The following RAG1 variants were observed in gnomAD, a reference collection of about 807,000 sequenced individuals.
RAG1 encodes V(D)J recombination-activating protein 1.
RAG1 carries 35 observed loss-of-function variants against 62.7 expected under a neutral mutation model. That is an observed-to-expected ratio of 0.56 (90% CI 0.43 to 0.74). RAG1 has a LOEUF of 0.74. Ranked by LOEUF, RAG1 falls within the 30% of genes least tolerant of loss-of-function variation. The pLI is 0.00. For missense variants in RAG1, 1,169 were observed against 1,278.6 expected, an observed-to-expected ratio of 0.91 and a Z score of 1.31; for synonymous variants, 461 against 470.3, an observed-to-expected ratio of 0.98 and a Z score of 0.26.
chr11:36,569,321 G>A (rs974107009), intron 1 of RAG1, among the ~76,000 whole-genome samples: 1 of 152,226 alleles, frequency 6.6e-6, no homozygotes, highest in African/African-American at 2.4e-5. Flanking sequence ...GGTGGGGACA[G>A]GGCTGAGCCA....
At chr11:36,532,391 G>T (rs920389673) in intron 2 of RAG1, among the ~76,000 whole-genome samples, 1 of 151,816 alleles carries the variant, frequency 6.6e-6, no homozygotes, top group South Asian at 2.1e-4. Context: ...TACAAAAATG[G>T]TACCACATTA....
intron 3 of RAG1, among the ~76,000 whole-genome samples, chr11:36,549,814 A>T (rs1590685514): frequency 6.6e-6 from 1 of 152,244 alleles, no homozygotes; most frequent in African/African-American, 2.4e-5. Context: ...ACACATGCAC[A>T]TGTATGTTTA....
At position 36,575,567 on chromosome 11, in the gene RAG1, G is replaced by A; in HGVS notation, c.2263G>A (p.Glu755Lys). 6.2e-7 allele frequency: 1 copy of A among 1,614,212 alleles called. No individual in the cohort carries two copies. Among genetic ancestry groups the A allele is most frequent in the Middle Eastern group, 1.6e-4 (1 of 6,062 alleles). Residue 755 changes from glutamate (E) to lysine (K), a missense_variant, in exon 2 of 2, where the codon GAG becomes AAG. By Grantham distance (56) the Glu-to-Lys change is moderately conservative. Around this residue, in one of 2 missense-constraint regions of RAG1, gnomAD observed 800 missense variants for 943.3 expected, o/e 0.85. Coordinates refer to ENST00000299440, the MANE Select transcript of RAG1 (RefSeq NM_000448.3). The surrounding 1 kb of genome is among the most constrained non-coding windows in gnomAD (Gnocchi z 4.1). ...CCACTCTATAACCAGAAGCCATGCT[G>A]AGAACCTGGAACGTTATGAGGTCTG... ...VFHSITRSHA[E>K]NLERYEVWRS...
upstream of RAG1, among the ~76,000 whole-genome samples, chr11:36,565,459 G>A (rs1260494887): frequency 6.6e-6 from 1 of 152,162 alleles, no homozygotes; most frequent in Non-Finnish European, 1.5e-5. Flanking sequence ...AGGGCCTGTC[G>A]GCACTTCAAG....
Position 36,575,834 on chromosome 11 carries a change from A to G in RAG1, c.2530A>G (p.Met844Val), listed in dbSNP as rs773002320. 3 of 1,614,258 alleles carry G rather than the reference A, an allele frequency of 1.9e-6. No homozygotes were observed. Among genetic ancestry groups the G allele is most frequent in the Non-Finnish European group, 2.5e-6 (3 of 1,180,044 alleles). Residue 844 changes from methionine to valine, a missense_variant, in exon 2 of 2, where the codon ATG becomes GTG. Physicochemically the swap from Met to Val is conservative, Grantham distance 21. This residue lies in a region of RAG1 where 800 missense variants were observed against 943.3 expected (regional missense o/e 0.85). Coordinates refer to ENST00000299440, the MANE Select transcript of RAG1 (RefSeq NM_000448.3). This position sits in a 1 kb window ranked among gnomAD's most constrained non-coding sequence, Gnocchi z 4.1. ...ATLDKHLRKK[M>V]NLKPIMRMNG... ...ACTGGACAAGCATCTCCGGAAGAAG[A>G]TGAACCTCAAACCAATCATGAGGAT...
intron 1 of RAG1, among the ~76,000 whole-genome samples, chr11:36,518,022 T>C (rs2133692491): frequency 7.8e-6 from 1 of 128,736 alleles, no homozygotes; most frequent in Non-Finnish European, 1.6e-5. Context: ...CGGTGTGTGA[T>C]GTTCCCCTTC....
At chr11:36,532,404 A>G (rs983157642) in intron 2 of RAG1, among the ~76,000 whole-genome samples, 2 of 152,152 alleles carry the variant, frequency 1.3e-5, no homozygotes, top group Admixed American at 1.3e-4. Flanking sequence ...CCACATTAGT[A>G]TATGATATAC....
In RAG1 at chr11:36,574,871, C is replaced by A. The variant is rs1266284064; in HGVS notation, c.1567C>A (p.Gln523Lys). 2 of 1,614,236 alleles carry A rather than the reference C, an allele frequency of 1.2e-6. No individual in the cohort carries two copies. The highest frequency in any genetic ancestry group is 1.3e-5 in the African/African-American group (1 of 75,058). ...GCCAGGCTACCACCACTTTGAGTGG[C>A]AGCCACCTCTGAAGAATGTGTCTTC... ...LLPGYHHFEW[Q>K]PPLKNVSSST... Residue 523 changes from glutamine to lysine, a missense_variant, in exon 2 of 2, where the codon CAG becomes AAG. Transcript: ENST00000299440.
rs771762030 is a variant in RAG1 at position 36,576,478 on chromosome 11, C to T, written c.*42C>T. The T allele has an allele frequency of 1.9e-6, 3 of 1,610,514 alleles. No homozygotes were observed. The East Asian group carries it at 6.7e-5, about 36-fold the overall frequency. On this transcript the variant is annotated 3_prime_UTR_variant, in exon 2 of 2. Coordinates refer to ENST00000299440, the MANE Select transcript of RAG1 (RefSeq NM_000448.3). The stretch of plus-strand genomic sequence containing the variant: ...TGAGTTGGTTTTTGCAATTGAGTTT[C>T]CCTCTGGGTTGCATTGAGGGCTTCT...
intron 3 of RAG1, among the ~76,000 whole-genome samples, chr11:36,561,372 C>A (rs564959269): frequency 6.6e-6 from 1 of 152,150 alleles, no homozygotes; most frequent in African/African-American, 2.4e-5. Context: ...TACTCTTCAG[C>A]CTTTGATGCA....
At chr11:36,538,845 G>A (rs182974314), downstream of RAG1, among the ~76,000 whole-genome samples, 1 of 152,200 alleles carries the variant, frequency 6.6e-6, no homozygotes, top group East Asian at 1.9e-4. Flanking sequence ...AGTTCATCAG[G>A]GTCACCTCCC....
chr11:36,547,835 C>A (rs972170134), intron 3 of RAG1, among the ~76,000 whole-genome samples: 13 of 152,052 alleles, frequency 8.5e-5, no homozygotes, highest in African/African-American at 3.1e-4. Flanking sequence ...AAGAAAATTT[C>A]AGGCCAATAC....
chr11:36,533,096 G>A (rs1860278971), intron 2 of RAG1, among the ~76,000 whole-genome samples: 1 of 152,074 alleles, frequency 6.6e-6, no homozygotes, highest in African/African-American at 2.4e-5. Context: ...GCAACATCCT[G>A]AGATAAGAGG....
Position 36,573,429 on chromosome 11 carries a change from C to G in RAG1, c.125C>G (p.Pro42Arg), listed in dbSNP as rs1449961416. The G allele has an allele frequency of 1.2e-6, 2 of 1,613,926 alleles. No individual in the cohort carries two copies. The highest frequency in any genetic ancestry group is 1.7e-6 in the Non-Finnish European group (2 of 1,180,032). Residue 42 changes from proline to arginine, a missense_variant, in exon 2 of 2, where the codon CCT becomes CGT. Pro to Arg is a moderately radical substitution (Grantham distance 103). Coordinates refer to ENST00000299440, the MANE Select transcript of RAG1 (RefSeq NM_000448.3). ...LFRVRSFEKTPEEAQKEKKDS... is the reference protein window; with the variant it reads ...LFRVRSFEKTREEAQKEKKDS... ...CGGGTGAGATCCTTTGAAAAGACAC[C>G]TGAAGAAGCTCAAAAGGAAAAGAAG... is the stretch of plus-strand genomic sequence containing the variant.
intron 1 of RAG1, among the ~76,000 whole-genome samples, chr11:36,519,276 C>A (rs561919705): frequency 6.6e-6 from 1 of 152,150 alleles, no homozygotes; most frequent in African/African-American, 2.4e-5. Flanking sequence ...AATGGGAAAT[C>A]CCTCAAAACT....
At chr11:36,521,317 G>GGTCCTCC (rs1860076837) in intron 2 of RAG1, among the ~76,000 whole-genome samples, 1 of 152,086 alleles carries the variant, frequency 6.6e-6, no homozygotes, top group African/African-American at 2.4e-5. Flanking sequence ...CCCGGTAAAA[G>GGTCCTCC]ATGATTGAGT....
intron 1 of RAG1, among the ~76,000 whole-genome samples, chr11:36,569,317 G>C (rs911074621): frequency 2.0e-5 from 3 of 152,246 alleles, no homozygotes; most frequent in African/African-American, 7.2e-5. Flanking sequence ...GGCCGGTGGG[G>C]ACAGGGCTGA....
rs1402321228 is a variant in RAG1 at position 36,575,039 on chromosome 11, G to A, written c.1735G>A (p.Glu579Lys). ...GATGGACATGGAAGAAGACATCTTG[G>A]AAGGCATGAGATCCCAAGACCTTGA... ...ALMDMEEDIL[E>K]GMRSQDLDDY... Residue 579 changes from glutamate to lysine, a missense_variant, in exon 2 of 2, where the codon GAA (glutamate) becomes AAA (lysine). This residue lies in a region of RAG1 where 800 missense variants were observed against 943.3 expected (regional missense o/e 0.85). Coordinates refer to ENST00000299440, the MANE Select transcript of RAG1 (RefSeq NM_000448.3). This position sits in a 1 kb window ranked among gnomAD's most constrained non-coding sequence, Gnocchi z 4.1. 16 of 1,614,022 alleles carry A rather than the reference G, an allele frequency of 9.9e-6. No homozygotes were observed. Among genetic ancestry groups the A allele is most frequent in the Non-Finnish European group, 1.3e-5 (15 of 1,180,024 alleles).
upstream of RAG1, among the ~76,000 whole-genome samples, chr11:36,564,602 G>T (rs954384858): frequency 6.6e-6 from 1 of 152,184 alleles, no homozygotes; most frequent in Non-Finnish European, 1.5e-5. Context: ...CAGAAAGCCC[G>T]CAGCAGATCT....
Sources: gnomAD v4.1 joint callset for allele counts (sites outside exome capture counted in the v4.1 genomes callset) on GRCh38, gnomAD v4.1.1 for gene constraint, gnomAD v4.1.1 regional missense constraint, Gnocchi (gnomAD v3.1) non-coding constraint, MANE v1.5 for transcripts, NCBI Gene and HGNC (gene_info 2026-07-23, HGNC 2026-07-21) for gene names.